Variants in PIK3AP1 observed in about 807,000 individuals in gnomAD.
PIK3AP1 encodes phosphoinositide-3-kinase adaptor protein 1, also known as phosphoinositide 3-kinase adapter protein 1.
PIK3AP1 carries 21 observed loss-of-function variants against 88.1 expected under a neutral mutation model. The observed-to-expected ratio is 0.24, with a 90% CI of 0.17 to 0.34. The LOEUF (loss-of-function observed/expected upper bound fraction) is 0.34, where lower values mean the gene tolerates loss of function less well. PIK3AP1 is among the 10% of genes least tolerant of loss of function. The pLI is 1.00. For synonymous variants in PIK3AP1, 398 were observed against 400.0 expected, an observed-to-expected ratio of 1.00 and a Z score of 0.06; for missense variants, 828 against 1,035.7, an observed-to-expected ratio of 0.80 and a Z score of 2.75.
chr10:96,657,860 T>C (rs1843636162), intron 2 of PIK3AP1, among the ~76,000 whole-genome samples: 1 of 152,114 alleles, frequency 6.6e-6, no homozygotes, highest in African/African-American at 2.4e-5. Flanking sequence ...GGTCAGGAGT[T>C]TGAGACTAGC....
intron 2 of PIK3AP1, among the ~76,000 whole-genome samples, chr10:96,671,992 T>C (rs1171297733): frequency 6.6e-6 from 1 of 151,998 alleles, no homozygotes; most frequent in African/African-American, 2.4e-5. Context: ...TGGCCCATGA[T>C]TGTGCCACTG....
At chr10:96,643,558 A>G (rs1209798829) in intron 8 of PIK3AP1, among the ~76,000 whole-genome samples, 2 of 152,208 alleles carry the variant, frequency 1.3e-5, no homozygotes, top group Non-Finnish European at 2.9e-5. Context: ...TAAGCCTCCC[A>G]GTTAGGTGAC....
chr10:96,660,083 C>T (rs1843665612), intron 2 of PIK3AP1, among the ~76,000 whole-genome samples: 1 of 152,070 alleles, frequency 6.6e-6, no homozygotes, highest in African/African-American at 2.4e-5. Context: ...ATTAAGGCTT[C>T]ATTCCCATAA....
chr10:96,651,121 G>A, intron 6 of PIK3AP1, 127 bp downstream of exon 6: 1 of 1,242,456 alleles, frequency 8.0e-7, no homozygotes, highest in Non-Finnish European at 1.1e-6. Flanking sequence ...CTTATCACAG[G>A]ATAGGTTATA....
intron 2 of PIK3AP1, among the ~76,000 whole-genome samples, chr10:96,661,193 A>T (rs1020161768): frequency 1.3e-5 from 2 of 152,158 alleles, no homozygotes; most frequent in African/African-American, 4.8e-5. Flanking sequence ...ATCTAAAAAA[A>T]AAAAAGCCAA....
Position 96,602,410 on chromosome 10 carries a change from A to T in PIK3AP1, c.2242-12T>A. 10 of 1,602,488 alleles carry T rather than the reference A, an allele frequency of 6.2e-6. No individual in the cohort carries two copies. Among genetic ancestry groups the T allele is most frequent in the Non-Finnish European group, 8.5e-6 (10 of 1,170,290 alleles). On this transcript the variant is annotated splice_polypyrimidine_tract_variant and intron_variant, in intron 15 of 16. Coordinates refer to ENST00000339364, the MANE Select transcript of PIK3AP1 (RefSeq NM_152309.3). ...GGGACTTCATTATCCTACAGCAAAG[A>T]AGATGAGAAAGAAAGGCGAAAACTA...
At chr10:96,698,336 A>G (rs1474497922) in intron 2 of PIK3AP1, among the ~76,000 whole-genome samples, 1 of 152,112 alleles carries the variant, frequency 6.6e-6, no homozygotes, top group Non-Finnish European at 1.5e-5. Context: ...AAGAAAGAAG[A>G]GGTCAGTAGT....
intron 3 of PIK3AP1, among the ~76,000 whole-genome samples, chr10:96,654,653 A>G (rs562432839): frequency 6.6e-6 from 1 of 152,342 alleles, no homozygotes; most frequent in Admixed American, 6.5e-5. Context: ...CCCAGGATCC[A>G]GAAGCCTGAA....
intron 2 of PIK3AP1, among the ~76,000 whole-genome samples, chr10:96,664,501 T>C (rs868614301): frequency 1.3e-5 from 2 of 150,896 alleles, no homozygotes; most frequent in Admixed American, 1.3e-4. Context: ...TAGCTAATCA[T>C]TTTTTAAAAA....
chr10:96,639,773 C>T (rs1843359691), intron 8 of PIK3AP1, among the ~76,000 whole-genome samples: 1 of 152,194 alleles, frequency 6.6e-6, no homozygotes, highest in South Asian at 2.1e-4. Context: ...GATGACAGAG[C>T]CTCAGCAGTC....
At position 96,626,844 on chromosome 10, in the gene PIK3AP1, ATCT is replaced by A. The variant is rs752887348; in HGVS notation, c.1530_1532del (p.Glu510del). 30 of 1,614,108 alleles carry A rather than the reference ATCT, an allele frequency of 1.9e-5. No individual in the cohort carries two copies. The highest frequency in any genetic ancestry group is 1.1e-4 in the African/African-American group (8 of 74,948). ...CATCGTCATCCACCGTGTGATAAAC[ATCT>A]TCTTCCTGACCAAGATGGCACTGAT... On this transcript the variant is annotated inframe_deletion, in exon 10 of 17. Transcript: ENST00000339364.
chr10:96,603,923 C>T, intron 15 of PIK3AP1, 56 bp downstream of exon 15: 2 of 1,440,728 alleles, frequency 1.4e-6, no homozygotes, highest in Non-Finnish European at 1.9e-6. Flanking sequence ...GTTTCTATCT[C>T]TTGCGATGAA....
At chr10:96,688,128 C>T (rs1042252116) in intron 2 of PIK3AP1, among the ~76,000 whole-genome samples, 3 of 152,152 alleles carry the variant, frequency 2.0e-5, no homozygotes, top group Non-Finnish European at 4.4e-5. Flanking sequence ...ACAACTCACC[C>T]ACCCACCCAC....
chr10:96,602,337 G>A lies in PIK3AP1; in HGVS notation c.2303C>T (p.Thr768Ile). ...GGGTCTCTCGAGGGACATGGTGGGT[G>A]TCCCATCCACTTGTGGGGGGCCTGG... ...RSPGPPQVDG[T>I]PTMSLERPPR... is the part of the protein sequence containing the mutation. The change falls in exon 16 of 17, where the codon ACA (threonine) becomes ATA (isoleucine). Residue 768 changes from threonine to isoleucine, a missense_variant. Physicochemically the swap from Thr to Ile is moderately conservative, Grantham distance 89. Around this residue, in one of 3 missense-constraint regions of PIK3AP1, gnomAD observed 191 missense variants for 208.6 expected, o/e 0.92. Coordinates refer to ENST00000339364, the MANE Select transcript of PIK3AP1 (RefSeq NM_152309.3). 6.2e-7 allele frequency: 1 copy of A among 1,612,156 alleles called. No homozygotes were observed. The highest frequency in any genetic ancestry group is 8.5e-7 in the Non-Finnish European group (1 of 1,179,056).
In PIK3AP1 at chr10:96,636,254, T is replaced by TA. The variant is rs199591235; in HGVS notation, c.1376-7762dup. ...TAAATAAATAAAATAATACAAAAATTAAAAAAAATTATAAAAGAAAAAAAT... is the reference window on the plus strand; with the variant it reads ...TAAATAAATAAAATAATACAAAAATTAAAAAAAAATTATAAAAGAAAAAAAT... On this transcript the variant is annotated intron_variant, in intron 8 of 16. Coordinates refer to ENST00000339364, the MANE Select transcript of PIK3AP1 (RefSeq NM_152309.3). 7.4e-3 allele frequency among the ~76,000 whole-genome samples: 1,118 copies of TA among 151,734 alleles called. 14 individuals are homozygous for TA. Among genetic ancestry groups the TA allele is most frequent in the African/African-American group, 0.025 (1,019 of 41,454 alleles).
chr10:96,704,130 G>A (rs540410444), intron 2 of PIK3AP1, among the ~76,000 whole-genome samples: 8 of 152,218 alleles, frequency 5.3e-5, no homozygotes, highest in African/African-American at 1.4e-4. Flanking sequence ...CAGAGTGAAC[G>A]CACCGAATCT....
At chr10:96,670,849 GC>G (rs1473608286) in intron 2 of PIK3AP1, among the ~76,000 whole-genome samples, 6 of 152,156 alleles carry the variant, frequency 3.9e-5, no homozygotes, top group Non-Finnish European at 8.8e-5. Context: ...GAACACGAGT[GC>G]CTGACCACCC....
In PIK3AP1 at chr10:96,651,570, T is replaced by G. The variant is rs749802438; in HGVS notation, c.794A>C (p.Asp265Ala). Reference sequence around the variant, plus strand: ...CAATAAATTCCCAATTTCTTCCATGTCAGTATAATAGCTGATAACGGTTTC... The same window carrying G: ...CAATAAATTCCCAATTTCTTCCATGGCAGTATAATAGCTGATAACGGTTTC... ...VCETVISYYT[D>A]MEEIGNLLSN... The change falls in exon 5 of 17, where the codon GAC becomes GCC. Residue 265 changes from aspartate (D) to alanine (A), a missense_variant. Coordinates refer to ENST00000339364, the MANE Select transcript of PIK3AP1 (RefSeq NM_152309.3). 6.2e-7 allele frequency: 1 copy of G among 1,614,172 alleles called. No individual in the cohort carries two copies. The highest frequency in any genetic ancestry group is 8.5e-7 in the Non-Finnish European group (1 of 1,180,020).
At chr10:96,628,304 C>T in intron 9 of PIK3AP1, 94 bp downstream of exon 9, 1 of 1,105,202 alleles carries the variant, frequency 9.0e-7, no homozygotes, top group South Asian at 1.3e-5. Context: ...CAGCCCATTC[C>T]TTGAGGGGAG....
Sources: allele counts gnomAD v4.1 joint callset (sites outside exome capture counted in the v4.1 genomes callset), GRCh38; gene constraint gnomAD v4.1.1; regional missense constraint gnomAD v4.1.1; transcripts MANE v1.5; gene names NCBI Gene and HGNC (gene_info 2026-07-23, HGNC 2026-07-21).